The following GRK4 variants were observed in gnomAD, a reference collection of about 807,000 sequenced individuals.
GRK4 encodes G protein-coupled receptor kinase 4.
Under a neutral mutation model 77.9 loss-of-function variants are expected in GRK4, and 73 were observed. The observed-to-expected ratio is 0.94, with a 90% CI of 0.78 to 1.14. The LOEUF (loss-of-function observed/expected upper bound fraction) is 1.14. GRK4 is among the 50% of genes most tolerant of loss of function. GRK4 has a pLI of 0.00. For synonymous variants in GRK4, 257 were observed against 254.4 expected, an observed-to-expected ratio of 1.01 and a Z score of -0.10; for missense variants, 729 against 700.2, an observed-to-expected ratio of 1.04 and a Z score of -0.46.
At chr4:2,985,882 C>G (rs1724175638) in intron 2 of GRK4, 1 of 159,776 alleles carries the variant, frequency 6.3e-6, no homozygotes, top group South Asian at 1.3e-4. Flanking sequence ...GCCTGTAGTC[C>G]CAGCTACTTG....
At chr4:2,988,594 C>G (rs1422883308) in intron 2 of GRK4, 133 bp from the exon 3 acceptor site, 2 of 558,406 alleles carry the variant, frequency 3.6e-6, no homozygotes, top group Non-Finnish European at 6.6e-6. Context: ...ACAACAACAA[C>G]AAGATGAAAA....
chr4:2,996,989 A>T (rs1377130739), intron 4 of GRK4, among the ~76,000 whole-genome samples: 3 of 152,060 alleles, frequency 2.0e-5, no homozygotes, highest in Non-Finnish European at 2.9e-5. Flanking sequence ...GGAGGCCAAG[A>T]CAGGAGGCTC....
chr4:3,030,478 A>G (rs1220779102), intron 12 of GRK4, among the ~76,000 whole-genome samples: 3 of 152,042 alleles, frequency 2.0e-5, no homozygotes, highest in Non-Finnish European at 4.4e-5. Context: ...TGTATGTTCC[A>G]GGCACCGTCC....
chr4:3,033,235 G>C (rs1739639026), intron 12 of GRK4, among the ~76,000 whole-genome samples: 1 of 152,080 alleles, frequency 6.6e-6, no homozygotes, highest in South Asian at 2.1e-4. Context: ...AAGAAAGAAA[G>C]AAAGAAAAGA....
At chr4:2,986,829 G>T in intron 2 of GRK4, 1 of 347,400 alleles carries the variant, frequency 2.9e-6, no homozygotes. Context: ...TCCTTTTAAA[G>T]AAAGATGATG....
intron 2 of GRK4, among the ~76,000 whole-genome samples, chr4:2,985,063 A>C (rs930501154): frequency 6.6e-6 from 1 of 152,148 alleles, no homozygotes; most frequent in African/African-American, 2.4e-5. Flanking sequence ...TAGAAGAAAC[A>C]CTGTTAAGTA....
At chr4:3,031,452 C>G (rs979217932) in intron 12 of GRK4, among the ~76,000 whole-genome samples, 2 of 152,106 alleles carry the variant, frequency 1.3e-5, no homozygotes, top group African/African-American at 2.4e-5. Flanking sequence ...CACACCTGGA[C>G]GGTGCAGGCT....
Position 2,971,147 on chromosome 4 carries a change from G to A in GRK4, c.52+7025G>A, listed in dbSNP as rs559693169. 5 of 152,250 alleles carry A rather than the reference G, an allele frequency of 3.3e-5. No homozygotes were observed. In the South Asian group the frequency reaches 1.0e-3, roughly 32 times the overall value. 9.4% of individuals were successfully genotyped at this position (152,250 alleles called of 1,614,324 possible). A position where few individuals can be genotyped will look rare whatever the true frequency, so the allele number is the denominator to read the frequency against. ...TTTACGGTATTTTGTACATATGTGT[G>A]CAAAGTTGCTTATTAACATTTATGT... is the stretch of plus-strand genomic sequence containing the variant. On this transcript the variant is annotated intron_variant, in intron 1 of 15. Coordinates refer to ENST00000398052, the MANE Select transcript of GRK4 (RefSeq NM_182982.3).
chr4:2,988,058 AGAGT>A (rs1255627284), intron 2 of GRK4, among the ~76,000 whole-genome samples: 1 of 142,046 alleles, frequency 7.0e-6, no homozygotes. Context: ...CCTGGATGAC[AGAGT>A]GAGGCTCTGT....
In GRK4 at chr4:3,037,406, T is replaced by A; in HGVS notation, c.1440T>A (p.Asp480Glu). The A allele has an allele frequency of 6.2e-7, 1 of 1,609,042 alleles. No individual in the cohort carries two copies. Among genetic ancestry groups the A allele is most frequent in the Non-Finnish European group, 8.5e-7 (1 of 1,175,970 alleles). The change falls in exon 14 of 16, where the codon GAT becomes GAA. Residue 480 changes from aspartate (D) to glutamate (E), a missense_variant. Physicochemically the swap from Asp to Glu is conservative, Grantham distance 45 (BLOSUM62 2). Transcript: ENST00000398052. ...CCGTTTACTGTAAGGACGTCCTGGA[T>A]ATCGAGCAGTTCTCGGTGGTGAAAG... ...PHAVYCKDVL[D>E]IEQFSVVKGI...
At chr4:3,018,990 G>A (rs1276195631) in intron 8 of GRK4, among the ~76,000 whole-genome samples, 1 of 152,146 alleles carries the variant, frequency 6.6e-6, no homozygotes, top group Admixed American at 6.6e-5. Flanking sequence ...TAGATTAAAT[G>A]AATTGAATGC....
chr4:3,001,089 A>ATATATATATATATATATG, intron 4 of GRK4, among the ~76,000 whole-genome samples: 1 of 82,432 alleles, frequency 1.2e-5, no homozygotes, highest in African/African-American at 5.8e-5. Context: ...ATATATATAT[A>ATATATATATATATATATG]TGTGTGTGTG....
At chr4:2,996,426 G>A in intron 4 of GRK4, among the ~76,000 whole-genome samples, 1 of 152,140 alleles carries the variant, frequency 6.6e-6, no homozygotes, top group East Asian at 1.9e-4. Context: ...ATGGTGGCAG[G>A]TGCCTATGAT....
At chr4:3,014,353 A>G (rs889633445) in intron 8 of GRK4, among the ~76,000 whole-genome samples, 1 of 147,902 alleles carries the variant, frequency 6.8e-6, no homozygotes, top group East Asian at 2.0e-4. Flanking sequence ...CTGGAGCGCA[A>G]TGGCACGATC....
intron 1 of GRK4, 126 bp from the exon 2 acceptor site, chr4:2,984,387 A>G: frequency 2.0e-6 from 1 of 497,592 alleles, no homozygotes; most frequent in Non-Finnish European, 3.7e-6. Flanking sequence ...ATAAGCATGT[A>G]TTTTTATTCA....
rs77808505 is a variant in GRK4 at position 2,993,940 on chromosome 4, A to T, written c.339+1648A>T. 1.0e-3 allele frequency among the ~76,000 whole-genome samples: 159 copies of T among 152,304 alleles called. 1 individual carries two copies. In the East Asian group the frequency reaches 0.03, roughly 29 times the overall value. On this transcript the variant is annotated intron_variant, in intron 4 of 15. Transcript: ENST00000398052. Reference sequence around the variant, plus strand: ...TTGGATTTGAAACATAGCCAACTGGATATAGGGCCATCATCTTAGGGGAGC... The same window carrying T: ...TTGGATTTGAAACATAGCCAACTGGTTATAGGGCCATCATCTTAGGGGAGC...
rs1728238702 is a variant in GRK4 at position 2,997,358 on chromosome 4, G to T, written c.339+5066G>T. ...GATTATCTTAATAAAAATAGAAAAA[G>T]TATTTGATAAAATCCACACCCCTTC... On this transcript the variant is annotated intron_variant, in intron 4 of 15. Transcript: ENST00000398052. Among the ~76,000 whole-genome samples, 4 of 152,216 alleles carry T rather than the reference G, an allele frequency of 2.6e-5. No individual in the cohort carries two copies. The South Asian group carries it at 8.3e-4, about 32-fold the overall frequency.
chr4:3,021,908 G>T lies in GRK4; in HGVS notation c.933-506G>T, dbSNP rs187227728. Among the ~76,000 whole-genome samples, 4 of 152,184 alleles carry T rather than the reference G, an allele frequency of 2.6e-5. No individual in the cohort carries two copies. The East Asian group carries it at 7.7e-4, about 29-fold the overall frequency. On this transcript the variant is annotated intron_variant, in intron 9 of 15. Transcript: ENST00000398052. ...CTGCACCATGTCTGCCCCATCCACC[G>T]CTGTGTCCACGGGACTCACCATCAG...
At chr4:3,014,157 T>G (rs188866849) in intron 8 of GRK4, among the ~76,000 whole-genome samples, 236 of 152,226 alleles carry the variant, frequency 1.6e-3, no homozygotes, top group Admixed American at 3.3e-3. Context: ...CCGTGTTTCT[T>G]GGTGAATTGC....
Sources: allele counts gnomAD v4.1 joint callset (sites outside exome capture counted in the v4.1 genomes callset), GRCh38; gene constraint gnomAD v4.1.1; transcripts MANE v1.5; gene names NCBI Gene and HGNC (gene_info 2026-07-23, HGNC 2026-07-21).